The following SLC39A11 variants were observed in gnomAD, a reference collection of about 807,000 sequenced individuals.
SLC39A11 encodes solute carrier family 39 member 11.
In SLC39A11, 33 loss-of-function variants were observed where a neutral mutation model predicts 36.1. The observed-to-expected ratio is 0.91, with a 90% CI of 0.69 to 1.22. The LOEUF (loss-of-function observed/expected upper bound fraction) is 1.22, where lower values mean the gene tolerates loss of function less well. Ranked by LOEUF, SLC39A11 falls within the 50% of genes most tolerant of loss-of-function variation. The pLI is 0.00. For synonymous variants in SLC39A11, 166 were observed against 170.3 expected (o/e 0.97, Z 0.20); for missense variants, 432 against 430.3 (o/e 1.00, Z -0.03).
intron 5 of SLC39A11, among the ~76,000 whole-genome samples, chr17:72,936,134 G>A (rs763164869): frequency 2.0e-5 from 3 of 152,066 alleles, no homozygotes; most frequent in Non-Finnish European, 2.9e-5. Context: ...GGAGGCAGAC[G>A]TTGTGGTGAG....
intron 5 of SLC39A11, among the ~76,000 whole-genome samples, chr17:72,940,542 C>T (rs1006660012): frequency 6.6e-5 from 10 of 152,376 alleles, no homozygotes; most frequent in African/African-American, 1.9e-4. Flanking sequence ...TCCCGAAGTG[C>T]TGGGATTACA....
At chr17:72,662,732 GAA>G (rs2070523685) in intron 7 of SLC39A11, among the ~76,000 whole-genome samples, 1 of 93,916 alleles carries the variant, frequency 1.1e-5, no homozygotes, top group Admixed American at 1.4e-4. Context: ...GAGAGAGAGA[GAA>G]AGAAAAAAGA....
At chr17:72,905,597 T>C (rs1178546119) in intron 5 of SLC39A11, among the ~76,000 whole-genome samples, 1 of 143,296 alleles carries the variant, frequency 7.0e-6, no homozygotes, top group Admixed American at 7.0e-5. Context: ...ACTCTGTCTC[T>C]AAAAAAAAAA....
At chr17:73,032,830 G>A (rs1417706143) in intron 3 of SLC39A11, among the ~76,000 whole-genome samples, 1 of 152,224 alleles carries the variant, frequency 6.6e-6, no homozygotes, top group African/African-American at 2.4e-5. Flanking sequence ...CAAGGGCCAA[G>A]ATTTACATTT....
chr17:72,836,955 C>T (rs16977415), intron 6 of SLC39A11, among the ~76,000 whole-genome samples: 10,238 of 152,130 alleles, frequency 0.067, 1,149 homozygotes, highest in African/African-American at 0.23. Flanking sequence ...CTGTACCTAA[C>T]AGTAGAATTT....
intron 6 of SLC39A11, among the ~76,000 whole-genome samples, chr17:72,790,810 G>A (rs2076676871): frequency 6.6e-6 from 1 of 152,272 alleles, no homozygotes; most frequent in Admixed American, 6.5e-5. Context: ...TGGGATTACA[G>A]GTGTAAGCCA....
At chr17:72,815,088 G>A (rs562414505) in intron 6 of SLC39A11, among the ~76,000 whole-genome samples, 1 of 152,268 alleles carries the variant, frequency 6.6e-6, no homozygotes, top group East Asian at 1.9e-4. Context: ...AGTTATTGGT[G>A]GAAGGAAAGA....
chr17:73,073,072 C>T (rs1306945107), intron 3 of SLC39A11, among the ~76,000 whole-genome samples: 2 of 152,074 alleles, frequency 1.3e-5, no homozygotes, highest in East Asian at 1.9e-4. Context: ...CCCAGCTACT[C>T]GGGAGGCCAA....
intron 7 of SLC39A11, among the ~76,000 whole-genome samples, chr17:72,709,980 A>T (rs1192962225): frequency 6.6e-6 from 1 of 152,188 alleles, no homozygotes; most frequent in Non-Finnish European, 1.5e-5. Context: ...TTTCAATTAT[A>T]ATTTTGATTG....
chr17:72,811,672 T>C (rs114835302), intron 6 of SLC39A11, among the ~76,000 whole-genome samples: 94 of 152,338 alleles, frequency 6.2e-4, no homozygotes, highest in African/African-American at 2.2e-3. Flanking sequence ...AGAGGTGAAC[T>C]ATATTATCTT....
chr17:72,847,296 G>A (rs535321125), intron 6 of SLC39A11, among the ~76,000 whole-genome samples: 6 of 152,092 alleles, frequency 3.9e-5, no homozygotes, highest in South Asian at 4.2e-4. Context: ...CCAGCTACTC[G>A]GGAGGCCGAG....
chr17:72,798,120 C>T (rs988215593), intron 6 of SLC39A11, among the ~76,000 whole-genome samples: 2 of 152,046 alleles, frequency 1.3e-5, no homozygotes, highest in Non-Finnish European at 2.9e-5. Context: ...AGTAGGGTTA[C>T]TGGTGGGGAG....
rs145765141 is a variant in SLC39A11, at chr17:72,993,370, G to A, written c.306+38186C>T. On this transcript the variant is annotated intron_variant, in intron 4 of 9. Coordinates refer to ENST00000255559, the MANE Select transcript of SLC39A11 (RefSeq NM_139177.4). ...AAAACAGATGCCTGGGCTCTACCACGTACAATTTTAGTTAGAATCTGTAGG... is the reference window on the plus strand; with the variant it reads ...AAAACAGATGCCTGGGCTCTACCACATACAATTTTAGTTAGAATCTGTAGG... Among the ~76,000 whole-genome samples the A allele has an allele frequency of 3.4e-3, 523 of 152,270 alleles. 3 individuals carry two copies. Among genetic ancestry groups the A allele is most frequent in the African/African-American group, 0.011 (463 of 41,544 alleles).
intron 6 of SLC39A11, chr17:72,837,702 C>G: frequency 4.8e-6 from 1 of 207,184 alleles, no homozygotes; most frequent in East Asian, 1.0e-4. Flanking sequence ...AGAGTATTAT[C>G]TGGCCAGAAA....
intron 3 of SLC39A11, among the ~76,000 whole-genome samples, chr17:73,081,664 C>CATATATGTATATATGTATGTATATATAT: frequency 8.2e-6 from 1 of 122,510 alleles, no homozygotes; most frequent in Admixed American, 8.3e-5. Context: ...CACACACACA[C>CATATATGTATATATGTATGTATATATAT]ACACACATAT....
At chr17:72,657,141 C>A (rs917786562) in intron 7 of SLC39A11, among the ~76,000 whole-genome samples, 1 of 152,078 alleles carries the variant, frequency 6.6e-6, no homozygotes, top group Non-Finnish European at 1.5e-5. Flanking sequence ...GTGGGCAGAT[C>A]ATGAGGTCAG....
intron 5 of SLC39A11, among the ~76,000 whole-genome samples, chr17:72,863,982 C>G (rs563282989): frequency 7.9e-4 from 120 of 152,276 alleles, no homozygotes; most frequent in Non-Finnish European, 1.4e-3. Context: ...AAAGTTGAGT[C>G]ACTGTATAAA....
intron 6 of SLC39A11, among the ~76,000 whole-genome samples, chr17:72,822,644 T>C (rs1302044397): frequency 2.0e-5 from 3 of 151,266 alleles, no homozygotes; most frequent in Non-Finnish European, 1.5e-5. Context: ...AAGGGTGATT[T>C]GAGGTTGAAA....
intron 5 of SLC39A11, among the ~76,000 whole-genome samples, chr17:72,922,396 C>A (rs182482638): frequency 2.0e-5 from 3 of 152,184 alleles, no homozygotes; most frequent in African/African-American, 4.8e-5. Context: ...AACTTAGGAA[C>A]AAAAGGTGCA....
Sources: gnomAD v4.1 joint callset for allele counts (sites outside exome capture counted in the v4.1 genomes callset) on GRCh38, gnomAD v4.1.1 for gene constraint, MANE v1.5 for transcripts, NCBI Gene and HGNC (gene_info 2026-07-23, HGNC 2026-07-21) for gene names.